The following ST3GAL2 variants were observed in gnomAD, a reference collection of about 807,000 sequenced individuals.
ST3GAL2 encodes the protein ST3 beta-galactoside alpha-2,3-sialyltransferase 2.
In ST3GAL2, 16 loss-of-function variants were observed where a neutral mutation model predicts 37.5. That is an observed-to-expected ratio of 0.43 (90% confidence interval 0.29 to 0.65). The LOEUF is 0.65. ST3GAL2 is among the 30% of genes least tolerant of loss of function. The pLI is 0.17. For synonymous variants in ST3GAL2, 238 were observed against 202.9 expected (o/e 1.17, Z -1.47); for missense variants, 383 against 487.8 (o/e 0.79, Z 2.02).
chr16:70,397,917 C>T (rs1033479450), intron 2 of ST3GAL2, among the ~76,000 whole-genome samples: 5 of 152,192 alleles, frequency 3.3e-5, no homozygotes, highest in Non-Finnish European at 7.3e-5. Context: ...CCCCCCATGG[C>T]TGTACTCCTC....
At chr16:70,408,779 A>G (rs1388531727) in intron 1 of ST3GAL2, among the ~76,000 whole-genome samples, 1 of 151,954 alleles carries the variant, frequency 6.6e-6, no homozygotes, top group Non-Finnish European at 1.5e-5. Context: ...AACCAAGAGC[A>G]TAACTTTGGC....
chr16:70,424,537 G>T (rs2047737695), intron 1 of ST3GAL2, among the ~76,000 whole-genome samples: 2 of 150,200 alleles, frequency 1.3e-5, no homozygotes, highest in Non-Finnish European at 3.0e-5. Flanking sequence ...GGAGGTGGAG[G>T]TCGCGGTGAG....
chr16:70,430,756 C>G lies in ST3GAL2; in HGVS notation c.-1004+8193G>C, dbSNP rs549633407. Among the ~76,000 whole-genome samples, 166 of 152,288 alleles carry G rather than the reference C, an allele frequency of 1.1e-3. 1 individual carries two copies. The highest frequency in any genetic ancestry group is 3.8e-3 in the African/African-American group (157 of 41,572). On this transcript the variant is annotated intron_variant, in intron 1 of 6. Coordinates refer to ENST00000342907, the MANE Select transcript of ST3GAL2 (RefSeq NM_006927.4). ...TGGCAACCCGAACCCAGGACTCACA[C>G]TGCTCCCTAGAGCACCCAAGAGAGG...
intron 1 of ST3GAL2, among the ~76,000 whole-genome samples, chr16:70,419,808 T>C (rs2047701409): frequency 6.6e-6 from 1 of 152,158 alleles, no homozygotes; most frequent in Admixed American, 6.6e-5. Context: ...ACCGGGCTGG[T>C]ATGACCTCTG....
In ST3GAL2 at chr16:70,396,298, C is replaced by CAA. The variant is rs35024720; in HGVS notation, c.340-1125_340-1124dup. On this transcript the variant is annotated intron_variant, in intron 2 of 6. Transcript: ENST00000342907. ...TCAAAGTGCTGGAATTATTTTTACTCAAAAAAAAAAAAAAAAACCCACATA... is the reference window on the plus strand; with the variant it reads ...TCAAAGTGCTGGAATTATTTTTACTCAAAAAAAAAAAAAAAAAAACCCACATA... Among the ~76,000 whole-genome samples the CAA allele has an allele frequency of 6.6e-3, 857 of 129,270 alleles. 8 individuals are homozygous for CAA. The highest frequency in any genetic ancestry group is 0.031 in the South Asian group (124 of 4,046). 84.8% of individuals were successfully genotyped at this position (129,270 alleles called of 152,430 possible). A position where few individuals can be genotyped will look rare whatever the true frequency, so the allele number is the denominator to read the frequency against.
chr16:70,388,227 A>T, intron 4 of ST3GAL2, 140 bp downstream of exon 4: 2 of 1,041,784 alleles, frequency 1.9e-6, no homozygotes, highest in Non-Finnish European at 2.8e-6. Context: ...CAGCTCACCC[A>T]CCAACTTAGG....
chr16:70,403,111 A>G (rs541824165), intron 1 of ST3GAL2, among the ~76,000 whole-genome samples: 1 of 151,692 alleles, frequency 6.6e-6, no homozygotes, highest in South Asian at 2.1e-4. Context: ...CAGGGAGACC[A>G]GAAAGGAACT....
At chr16:70,405,050 C>T (rs1466384540) in intron 1 of ST3GAL2, among the ~76,000 whole-genome samples, 1 of 149,952 alleles carries the variant, frequency 6.7e-6, no homozygotes, top group East Asian at 2.0e-4. Context: ...AAAAAAAACA[C>T]CTCATACACA....
Position 70,376,122 on chromosome 16 carries a change from C to T in ST3GAL2, c.*5567G>A, listed in dbSNP as rs1375862898. On this transcript the variant is annotated 3_prime_UTR_variant, in exon 7 of 7. Transcript: ENST00000342907. ...GACGCAGCCCAGGGGACTGCCATGG[C>T]CCTGCGAAGGGGCAGCGTCTCTTCC... The T allele has an allele frequency of 6.6e-6, 1 of 152,156 alleles. No homozygotes were observed. Among genetic ancestry groups the T allele is most frequent in the Non-Finnish European group, 1.5e-5 (1 of 68,038 alleles). 9.4% of individuals were successfully genotyped at this position (152,156 alleles called of 1,614,324 possible).
intron 1 of ST3GAL2, among the ~76,000 whole-genome samples, chr16:70,413,560 CAAAAAA>C (rs978301918): frequency 4.4e-4 from 14 of 32,082 alleles, no homozygotes; most frequent in Middle Eastern, 0.024. Flanking sequence ...ATCAAAAATA[CAAAAAA>C]AAAAAAAAAA....
At chr16:70,383,349 G>C (rs1369501353) in intron 4 of ST3GAL2, 114 bp from the exon 5 acceptor site, 2 of 939,402 alleles carry the variant, frequency 2.1e-6, no homozygotes, top group South Asian at 1.7e-5. Context: ...CCAGGAGTTC[G>C]AGGCCAGCCG....
intron 4 of ST3GAL2, among the ~76,000 whole-genome samples, chr16:70,386,386 G>C (rs926232583): frequency 5.3e-5 from 8 of 152,032 alleles, no homozygotes; most frequent in Non-Finnish European, 1.0e-4. Flanking sequence ...TAGAGATGGG[G>C]TTTCACGGTG....
intron 3 of ST3GAL2, among the ~76,000 whole-genome samples, chr16:70,389,200 T>TAGAA (rs2047464551): frequency 5.9e-5 from 1 of 16,846 alleles, no homozygotes; most frequent in Non-Finnish European, 1.5e-4. Flanking sequence ...ACCCCATCTC[T>TAGAA]ACAAAAAAAA....
At chr16:70,397,820 A>T (rs1397386478) in intron 2 of ST3GAL2, among the ~76,000 whole-genome samples, 1 of 147,800 alleles carries the variant, frequency 6.8e-6, no homozygotes, top group Non-Finnish European at 1.5e-5. Context: ...AGGTTTTCTT[A>T]AAAAAAAAAC....
At chr16:70,415,208 C>T (rs2047667619) in intron 1 of ST3GAL2, among the ~76,000 whole-genome samples, 1 of 152,090 alleles carries the variant, frequency 6.6e-6, no homozygotes, top group African/African-American at 2.4e-5. Flanking sequence ...GGGCTTTCGC[C>T]ATGTTGGTCA....
intron 1 of ST3GAL2, among the ~76,000 whole-genome samples, chr16:70,420,053 G>T: frequency 1.7e-5 from 2 of 117,058 alleles, no homozygotes; most frequent in Admixed American, 1.0e-4. Flanking sequence ...TTGAGATGAA[G>T]TTTTGCTCTT....
In ST3GAL2 at chr16:70,381,679, G is replaced by A. The variant is rs768515836; in HGVS notation, c.*10C>T. The stretch of plus-strand genomic sequence containing the variant: ...ATAGATGGGCCGGAAGGGTCGCGGC[G>A]AGGCCCGGCTCAGTTGCCCCGGTAG... On this transcript the variant is annotated 3_prime_UTR_variant, in exon 7 of 7. Coordinates refer to ENST00000342907, the MANE Select transcript of ST3GAL2 (RefSeq NM_006927.4). 49 of 1,611,664 alleles carry A rather than the reference G, an allele frequency of 3.0e-5. No homozygotes were observed. The highest frequency in any genetic ancestry group is 1.7e-4 in the Middle Eastern group (1 of 5,992).
At chr16:70,401,310 CA>C (rs1339916665) in intron 1 of ST3GAL2, among the ~76,000 whole-genome samples, 2 of 152,182 alleles carry the variant, frequency 1.3e-5, no homozygotes, top group African/African-American at 4.8e-5. Context: ...TAGATCAACG[CA>C]GGGGGCACGC....
chr16:70,403,788 G>C (rs1181351708), intron 1 of ST3GAL2, among the ~76,000 whole-genome samples: 1 of 152,164 alleles, frequency 6.6e-6, no homozygotes, highest in Non-Finnish European at 1.5e-5. Flanking sequence ...CTCCAGCCTG[G>C]TGACAGAGTG....
Sources: gnomAD v4.1 joint callset for allele counts (sites outside exome capture counted in the v4.1 genomes callset) on GRCh38, gnomAD v4.1.1 for gene constraint, MANE v1.5 for transcripts, NCBI Gene and HGNC (gene_info 2026-07-23, HGNC 2026-07-21) for gene names.